Variants in ASTN1 observed in about 807,000 individuals in gnomAD.
ASTN1 encodes astrotactin 1.
Under a neutral mutation model 140.7 loss-of-function variants are expected in ASTN1, and 41 were observed. The ratio of observed to expected loss-of-function variants is 0.29; its 90% CI spans 0.23 to 0.38. The LOEUF (loss-of-function observed/expected upper bound fraction) is 0.38. Ranked by LOEUF, ASTN1 falls within the 10% of genes least tolerant of loss-of-function variation. The pLI, the probability that ASTN1 is intolerant of heterozygous loss-of-function variation, is 1.00. For missense variants in ASTN1, 1,479 were observed against 1,678.8 expected (o/e 0.88, Z 2.08); for synonymous variants, 640 against 652.2 (o/e 0.98, Z 0.29).
intron 7 of ASTN1, 127 bp downstream of exon 7, chr1:177,023,277 C>T: frequency 1.6e-6 from 2 of 1,218,906 alleles, no homozygotes; most frequent in Admixed American, 3.4e-5. Context: ...TGCAGGCAGT[C>T]CGCATGGTCT....
Position 176,902,424 on chromosome 1 carries a change from G to A in ASTN1, c.2672-7594C>T, listed in dbSNP as rs183548745. ...CCGAACAGCTTTTTAAAAATTGATC[G>A]ATAACATACGGTGGTATTTTCTGAA... is the stretch of plus-strand genomic sequence containing the variant. On this transcript the variant is annotated intron_variant, in intron 16 of 22. Transcript: ENST00000361833. 1.0e-4 allele frequency among the ~76,000 whole-genome samples: 15 copies of A among 145,394 alleles called. 1 individual carries two copies. Among genetic ancestry groups the A allele is most frequent in the South Asian group, 2.3e-4 (1 of 4,312 alleles).
intron 1 of ASTN1, among the ~76,000 whole-genome samples, chr1:177,149,797 A>G (rs547547049): frequency 1.8e-5 from 2 of 112,186 alleles, no homozygotes; most frequent in East Asian, 4.7e-4. Context: ...TATACAGTGT[A>G]TATACATAGT....
At chr1:176,969,337 A>G (rs1673031515) in intron 8 of ASTN1, among the ~76,000 whole-genome samples, 1 of 152,194 alleles carries the variant, frequency 6.6e-6, no homozygotes. Flanking sequence ...GATGGCCCCT[A>G]GCCGTATGGG....
chr1:176,890,913 G>A (rs1669231770), intron 17 of ASTN1, among the ~76,000 whole-genome samples: 1 of 152,122 alleles, frequency 6.6e-6, no homozygotes, highest in African/African-American at 2.4e-5. Context: ...TGTAATCCCA[G>A]CTACTCAGGA....
chr1:176,973,573 A>C (rs1239455072), intron 8 of ASTN1, among the ~76,000 whole-genome samples: 1 of 152,092 alleles, frequency 6.6e-6, no homozygotes. Flanking sequence ...CAGTGATCAA[A>C]CCACATTTTC....
rs1235387055 is a variant in ASTN1, at chr1:177,041,494, C to CA, written c.472-8646dup. On this transcript the variant is annotated intron_variant, in intron 2 of 22. Coordinates refer to ENST00000361833, the MANE Select transcript of ASTN1 (RefSeq NM_004319.3). The stretch of plus-strand genomic sequence containing the variant: ...AGAGCTGCATGAGACAGGCTCCCTC[C>CA]ATGGGCTGTGGGCACCAGCCCTTCA... 2.0e-5 allele frequency among the ~76,000 whole-genome samples: 3 copies of CA among 152,336 alleles called. No homozygotes were observed. The East Asian group carries it at 5.8e-4, about 29-fold the overall frequency.
intron 10 of ASTN1, 81 bp from the exon 11 acceptor site, chr1:176,957,909 A>G (rs1672483930): frequency 6.8e-7 from 1 of 1,469,984 alleles, no homozygotes; most frequent in Non-Finnish European, 9.2e-7. Flanking sequence ...CCATGCTCCT[A>G]TCTAGTCAAC....
intron 1 of ASTN1, among the ~76,000 whole-genome samples, chr1:177,105,652 A>C (rs1680514409): frequency 6.6e-6 from 1 of 152,146 alleles, no homozygotes; most frequent in African/African-American, 2.4e-5. Flanking sequence ...TGGAAAAAAA[A>C]AAAACCTCAC....
rs145598721 is a variant in ASTN1 at position 176,991,243 on chromosome 1, G to A, written c.1523+23548C>T. 1.3e-3 allele frequency among the ~76,000 whole-genome samples: 204 copies of A among 151,794 alleles called. 1 individual carries two copies. In the Middle Eastern group the frequency reaches 0.034, roughly 25 times the overall value. ...AGCCTGGCCAACATGGAGAAACCCC[G>A]TCTCTACTAAAAATACAAAAGTAGC... On this transcript the variant is annotated intron_variant, in intron 8 of 22. Transcript: ENST00000361833.
chr1:177,073,811 CA>C (rs922462352), intron 1 of ASTN1, among the ~76,000 whole-genome samples: 5 of 151,036 alleles, frequency 3.3e-5, no homozygotes, highest in African/African-American at 1.2e-4. Context: ...CCCTATCTTT[CA>C]AAAAATGGAG....
intron 14 of ASTN1, among the ~76,000 whole-genome samples, chr1:176,938,427 G>C (rs981103355): frequency 6.6e-6 from 1 of 152,178 alleles, no homozygotes; most frequent in African/African-American, 2.4e-5. Flanking sequence ...ATTAGGCAAA[G>C]CCACCTTTAA....
intron 1 of ASTN1, among the ~76,000 whole-genome samples, chr1:177,081,645 T>C (rs1430389665): frequency 6.6e-6 from 1 of 152,124 alleles, no homozygotes; most frequent in Non-Finnish European, 1.5e-5. Context: ...AGTCATGCAG[T>C]GATGGCAGGG....
At chr1:177,153,582 T>C (rs1244998009) in intron 1 of ASTN1, among the ~76,000 whole-genome samples, 5 of 152,078 alleles carry the variant, frequency 3.3e-5, no homozygotes, top group Admixed American at 3.3e-4. Context: ...GCTATTAGAA[T>C]ATTCAGGAAA....
chr1:176,985,730 T>C (rs901911367), intron 8 of ASTN1, among the ~76,000 whole-genome samples: 14 of 152,118 alleles, frequency 9.2e-5, no homozygotes, highest in Non-Finnish European at 2.9e-5. Flanking sequence ...CTCCATCCTG[T>C]CCTTCTGAGG....
intron 1 of ASTN1, among the ~76,000 whole-genome samples, chr1:177,088,548 CTT>C (rs1412651819): frequency 6.6e-6 from 1 of 152,162 alleles, no homozygotes; most frequent in Non-Finnish European, 1.5e-5. Flanking sequence ...GAAAAACACA[CTT>C]TTTTTGTGAG....
At chr1:177,118,706 G>A (rs999192324) in intron 1 of ASTN1, among the ~76,000 whole-genome samples, 1 of 152,046 alleles carries the variant, frequency 6.6e-6, no homozygotes, top group Non-Finnish European at 1.5e-5. Context: ...ACCCTCTCAG[G>A]CTCCATGGCA....
chr1:177,108,123 G>A (rs1373628830), intron 1 of ASTN1, among the ~76,000 whole-genome samples: 1 of 152,080 alleles, frequency 6.6e-6, no homozygotes, highest in Non-Finnish European at 1.5e-5. Context: ...GCTGAGGTGG[G>A]CAGATCACAA....
chr1:176,903,479 G>A (rs1283929378), intron 16 of ASTN1, among the ~76,000 whole-genome samples: 1 of 152,166 alleles, frequency 6.6e-6, no homozygotes, highest in Non-Finnish European at 1.5e-5. Flanking sequence ...CCCTCTGCAT[G>A]TCCTTAGAGC....
At chr1:176,927,642 T>C (rs1671027709) in intron 16 of ASTN1, among the ~76,000 whole-genome samples, 1 of 152,182 alleles carries the variant, frequency 6.6e-6, no homozygotes, top group Admixed American at 6.5e-5. Context: ...TTTAACAAAA[T>C]GTGGATGTTA....
Sources: gnomAD v4.1 joint callset for allele counts (sites outside exome capture counted in the v4.1 genomes callset) on GRCh38, gnomAD v4.1.1 for gene constraint, MANE v1.5 for transcripts, NCBI Gene and HGNC (gene_info 2026-07-23, HGNC 2026-07-21) for gene names.